Variants in VGLL3 observed in about 807,000 individuals in gnomAD.
VGLL3 encodes transcription cofactor vestigial-like protein 3.
A neutral mutation model predicts 29.2 loss-of-function variants in VGLL3; 18 were observed. The ratio of observed to expected loss-of-function variants is 0.62; its 90% CI spans 0.43 to 0.91. The LOEUF is 0.91. Among genes scored for constraint, VGLL3 ranks in the 40% least tolerant of loss-of-function variants. VGLL3 has a pLI of 0.00. For missense variants in VGLL3, 440 were observed against 413.2 expected, an observed-to-expected ratio of 1.06 and a Z score of -0.56; for synonymous variants, 180 against 151.8, an observed-to-expected ratio of 1.19 and a Z score of -1.36.
chr3:86,987,869 C>A (rs989633471), intron 1 of VGLL3, among the ~76,000 whole-genome samples: 1 of 152,150 alleles, frequency 6.6e-6, no homozygotes, highest in South Asian at 2.1e-4. Context: ...CTACAACATG[C>A]AATATGTTCA....
At chr3:86,990,294 A>G in intron 1 of VGLL3, 2 of 984,854 alleles carry the variant, frequency 2.0e-6, no homozygotes, top group Non-Finnish European at 2.4e-6. Context: ...AAGGAAGTTT[A>G]CTCACATGGT....
At chr3:86,980,357 A>G (rs1351351801) in intron 1 of VGLL3, among the ~76,000 whole-genome samples, 1 of 152,098 alleles carries the variant, frequency 6.6e-6, no homozygotes, top group Admixed American at 6.6e-5. Context: ...TTGTTCTTGT[A>G]TAAGGTGAGT....
In VGLL3 at chr3:86,946,847, T is replaced by G. The variant is rs1422806601; in HGVS notation, c.*177A>C. On this transcript the variant is annotated 3_prime_UTR_variant, in exon 4 of 4. Coordinates refer to ENST00000398399, the MANE Select transcript of VGLL3 (RefSeq NM_016206.4). ...AACAAATAAAAATGCTTTTCTTCAA[T>G]GTCTGGGACCCACTTTGCTTTCTCA... The G allele has an allele frequency of 1.9e-6, 1 of 526,414 alleles. No homozygotes were observed. The allele number at this position is 526,414 out of a possible 1,614,324, so 32.6% of individuals were successfully genotyped here. A position where few individuals can be genotyped will look rare whatever the true frequency, so the allele number is the denominator to read the frequency against.
Position 86,991,096 on chromosome 3 carries a change from A to G in VGLL3, c.-353T>C. The G allele has an allele frequency of 3.6e-6, 1 of 275,548 alleles. No individual in the cohort carries two copies. Among genetic ancestry groups the G allele is most frequent in the Non-Finnish European group, 5.6e-6 (1 of 179,948 alleles). The allele number at this position is 275,548 out of a possible 1,614,324, so 17.1% of individuals were successfully genotyped here. On this transcript the variant is annotated 5_prime_UTR_variant, in exon 1 of 4. Coordinates refer to ENST00000398399, the MANE Select transcript of VGLL3 (RefSeq NM_016206.4). ...CCACGGCAGCGCCAGTCACAGCCAC[A>G]GCCCAGGCCCGGGTCGGGCAGCCGT...
Position 86,991,056 on chromosome 3 carries a change from C to G in VGLL3, c.-313G>C. Reference sequence around the variant, plus strand: ...GGGGCATTACCGCGTCCGGCTCCCGCGAGGGCTGCGGCGCCCACGGCAGCG... The same window carrying G: ...GGGGCATTACCGCGTCCGGCTCCCGGGAGGGCTGCGGCGCCCACGGCAGCG... On this transcript the variant is annotated 5_prime_UTR_variant, in exon 1 of 4. Transcript: ENST00000398399. The G allele has an allele frequency of 1.8e-6, 1 of 567,010 alleles. No individual in the cohort carries two copies. The highest frequency in any genetic ancestry group is 2.2e-6 in the Non-Finnish European group (1 of 445,036). The allele number at this position is 567,010 out of a possible 1,614,324, so 35.1% of individuals were successfully genotyped here.
At chr3:86,960,660 C>T (rs946855678) in intron 3 of VGLL3, among the ~76,000 whole-genome samples, 16 of 152,094 alleles carry the variant, frequency 1.1e-4, no homozygotes, top group South Asian at 2.1e-4. Flanking sequence ...CCATTGTCCC[C>T]GTCTGTGACA....
At chr3:86,978,072 C>T (rs1705246588) in intron 2 of VGLL3, among the ~76,000 whole-genome samples, 1 of 152,124 alleles carries the variant, frequency 6.6e-6, no homozygotes, top group South Asian at 2.1e-4. Context: ...GATAAAGAAG[C>T]CTATTCAAAG....
chr3:86,945,721 A>G lies in VGLL3; in HGVS notation c.*1303T>C, dbSNP rs944626375. On this transcript the variant is annotated 3_prime_UTR_variant, in exon 4 of 4. Coordinates refer to ENST00000398399, the MANE Select transcript of VGLL3 (RefSeq NM_016206.4). ...TCTGGTTTTATTTTTAAATTGTGGCATAAATTTAAATCCTAATATACACTT... is the reference window on the plus strand; with the variant it reads ...TCTGGTTTTATTTTTAAATTGTGGCGTAAATTTAAATCCTAATATACACTT... 7 of 152,290 alleles carry G rather than the reference A, an allele frequency of 4.6e-5. No homozygotes were observed. In the East Asian group the frequency reaches 1.4e-3, roughly 29 times the overall value. 9.4% of individuals were successfully genotyped at this position (152,290 alleles called of 1,614,324 possible).
chr3:86,977,239 C>A (rs1705227857), intron 2 of VGLL3, among the ~76,000 whole-genome samples: 1 of 150,704 alleles, frequency 6.6e-6, no homozygotes. Flanking sequence ...AAGAGGCAAA[C>A]AGGGAGGGAA....
intron 3 of VGLL3, among the ~76,000 whole-genome samples, chr3:86,959,725 G>T (rs1260704217): frequency 6.6e-6 from 1 of 152,028 alleles, no homozygotes; most frequent in African/African-American, 2.4e-5. Context: ...TGGGTATAAA[G>T]CTCCATAATT....
chr3:86,952,911 C>A (rs923124580), intron 3 of VGLL3, among the ~76,000 whole-genome samples: 1 of 152,128 alleles, frequency 6.6e-6, no homozygotes, highest in Non-Finnish European at 1.5e-5. Flanking sequence ...GAAATTATCA[C>A]TGTTAATGAT....
In VGLL3 at chr3:86,968,395, C is replaced by A. The variant is rs146260071; in HGVS notation, c.937+195G>T. Among the ~76,000 whole-genome samples the A allele has an allele frequency of 3.9e-5, 6 of 152,306 alleles. No individual in the cohort carries two copies. In the East Asian group the frequency reaches 1.2e-3, roughly 29 times the overall value. ...ATGAGAGAAAAGCTCTGAGACCTTT[C>A]TCAGGCTGGATTTCATGAGCTAGTC... is the stretch of plus-strand genomic sequence containing the variant. On this transcript the variant is annotated intron_variant, in intron 3 of 3. Transcript: ENST00000398399.
rs1226837433 is a variant in VGLL3 at position 86,990,871 on chromosome 3, C to G, written c.-128G>C. On this transcript the variant is annotated 5_prime_UTR_variant, in exon 1 of 4. Transcript: ENST00000398399. ...GCTCCAGCTGCTACTGCGGCGAAGGCGGGTCCTCGGCGGCCTCGGGCTCCG... is the reference window on the plus strand; with the variant it reads ...GCTCCAGCTGCTACTGCGGCGAAGGGGGGTCCTCGGCGGCCTCGGGCTCCG... 25 of 1,148,650 alleles carry G rather than the reference C, an allele frequency of 2.2e-5. No individual in the cohort carries two copies. The highest frequency in any genetic ancestry group is 2.7e-5 in the Non-Finnish European group (25 of 927,386). The allele number at this position is 1,148,650 out of a possible 1,614,324, so 71.2% of individuals were successfully genotyped here. A position where few individuals can be genotyped will look rare whatever the true frequency, so the allele number is the denominator to read the frequency against.
At chr3:86,980,262 G>T (rs1268455709) in intron 1 of VGLL3, among the ~76,000 whole-genome samples, 1 of 151,708 alleles carries the variant, frequency 6.6e-6, no homozygotes, top group African/African-American at 2.4e-5. Context: ...TATTTCTAAT[G>T]TAATTACTAG....
intron 2 of VGLL3, among the ~76,000 whole-genome samples, chr3:86,972,134 C>T (rs1045343442): frequency 3.3e-5 from 5 of 152,094 alleles, no homozygotes; most frequent in Non-Finnish European, 7.4e-5. Flanking sequence ...AATATGCATG[C>T]GCAAATGGGA....
Position 86,938,607 on chromosome 3 carries a change from G to A in VGLL3, c.*8417C>T, listed in dbSNP as rs1435223500. On this transcript the variant is annotated 3_prime_UTR_variant, in exon 4 of 4. Transcript: ENST00000398399. ...TTCAGTCACAGCCAAACTTGGTATG[G>A]AAAGTAAAACAGTTGTGCTTGAGTG... is the stretch of plus-strand genomic sequence containing the variant. The A allele has an allele frequency of 6.6e-6, 1 of 152,624 alleles. No individual in the cohort carries two copies. The highest frequency in any genetic ancestry group is 1.5e-5 in the Non-Finnish European group (1 of 68,042). 9.5% of individuals were successfully genotyped at this position (152,624 alleles called of 1,614,324 possible). A position where few individuals can be genotyped will look rare whatever the true frequency, so the allele number is the denominator to read the frequency against.
intron 3 of VGLL3, among the ~76,000 whole-genome samples, chr3:86,965,824 T>C (rs1704946085): frequency 6.6e-6 from 1 of 152,182 alleles, no homozygotes; most frequent in South Asian, 2.1e-4. Flanking sequence ...GAGCTCCTTG[T>C]AGAATCCAGG....
chr3:86,974,016 C>T (rs1257799816), intron 2 of VGLL3, among the ~76,000 whole-genome samples: 3 of 151,990 alleles, frequency 2.0e-5, no homozygotes, highest in Middle Eastern at 3.4e-3. Flanking sequence ...CTAAATTAAT[C>T]ATATAGATTA....
intron 3 of VGLL3, among the ~76,000 whole-genome samples, chr3:86,949,745 T>C (rs1441125470): frequency 6.8e-6 from 1 of 147,898 alleles, no homozygotes; most frequent in African/African-American, 2.5e-5. Context: ...GAGAATGGCG[T>C]GAACCCGGGA....
Sources: allele counts gnomAD v4.1 joint callset (sites outside exome capture counted in the v4.1 genomes callset), GRCh38; gene constraint gnomAD v4.1.1; transcripts MANE v1.5; gene names NCBI Gene and HGNC (gene_info 2026-07-23, HGNC 2026-07-21).